Variants in NRP1 observed in about 807,000 individuals in gnomAD.
The protein encoded by NRP1 is neuropilin-1.
In NRP1, 35 loss-of-function variants were observed where a neutral mutation model predicts 106.7. The observed-to-expected ratio is 0.33, with a 90% CI of 0.25 to 0.43. The LOEUF (loss-of-function observed/expected upper bound fraction) is 0.43. NRP1 is among the 20% of genes least tolerant of loss of function. The pLI, the probability that NRP1 is intolerant of heterozygous loss-of-function variation, is 1.00. For missense variants in NRP1, 1,024 were observed against 1,170.4 expected (o/e 0.87, Z 1.83); for synonymous variants, 437 against 417.9 (o/e 1.05, Z -0.56).
intron 6 of NRP1, among the ~76,000 whole-genome samples, chr10:33,229,170 T>G (rs1839909519): frequency 6.6e-6 from 1 of 152,232 alleles, no homozygotes; most frequent in Admixed American, 6.5e-5. Context: ...ACTGATTCAT[T>G]GCTTACATAA....
intron 2 of NRP1, among the ~76,000 whole-genome samples, chr10:33,329,812 G>A (rs1589008394): frequency 6.6e-6 from 1 of 152,220 alleles, no homozygotes; most frequent in Non-Finnish European, 1.5e-5. Flanking sequence ...CAGGGGGTCT[G>A]TTGGGTGTTA....
chr10:33,243,655 G>T (rs10827219), intron 6 of NRP1, among the ~76,000 whole-genome samples: 79,867 of 151,514 alleles, frequency 0.53, 21,167 homozygotes, highest in East Asian at 0.76. Context: ...TCACCCCTTG[G>T]GGTAAACAGA....
chr10:33,298,634 G>C (rs999761934), intron 2 of NRP1, among the ~76,000 whole-genome samples: 2 of 152,250 alleles, frequency 1.3e-5, no homozygotes, highest in Middle Eastern at 6.8e-3. Context: ...CTGCATGTTG[G>C]TTTTGGCATC....
intron 2 of NRP1, among the ~76,000 whole-genome samples, chr10:33,323,982 C>T (rs531955854): frequency 2.0e-5 from 3 of 152,182 alleles, no homozygotes; most frequent in Non-Finnish European, 2.9e-5. Context: ...ATGCCATGCA[C>T]ATGTTGATTC....
chr10:33,198,286 C>A (rs185474196), intron 11 of NRP1, among the ~76,000 whole-genome samples: 1 of 151,676 alleles, frequency 6.6e-6, no homozygotes, highest in Non-Finnish European at 1.5e-5. Flanking sequence ...GGATTACAGG[C>A]GTGCACTACC....
intron 2 of NRP1, among the ~76,000 whole-genome samples, chr10:33,322,130 T>A (rs1036031468): frequency 6.6e-6 from 1 of 151,992 alleles, no homozygotes; most frequent in Non-Finnish European, 1.5e-5. Context: ...GACCAGCGCT[T>A]GGAAGGGAAT....
intron 2 of NRP1, among the ~76,000 whole-genome samples, chr10:33,308,515 C>T (rs1356121362): frequency 6.6e-6 from 1 of 151,688 alleles, no homozygotes; most frequent in East Asian, 1.9e-4. Context: ...GAGATGGAGT[C>T]TCACTCTGTC....
intron 2 of NRP1, among the ~76,000 whole-genome samples, chr10:33,283,947 T>C (rs1473208104): frequency 6.6e-6 from 1 of 152,154 alleles, no homozygotes; most frequent in Non-Finnish European, 1.5e-5. Context: ...CATCCTACCA[T>C]CTAAAGTGCT....
intron 2 of NRP1, among the ~76,000 whole-genome samples, chr10:33,319,588 CTTTTT>C (rs35886672): frequency 3.5e-5 from 4 of 115,592 alleles, no homozygotes; most frequent in African/African-American, 1.3e-4. Flanking sequence ...TTCTTTCTTT[CTTTTT>C]TTTTTTTTTT....
At chr10:33,266,372 G>A (rs570694718) in intron 3 of NRP1, among the ~76,000 whole-genome samples, 7 of 152,270 alleles carry the variant, frequency 4.6e-5, no homozygotes, top group Admixed American at 1.3e-4. Context: ...TCACTCACCC[G>A]CTGTGTAAAC....
intron 2 of NRP1, among the ~76,000 whole-genome samples, chr10:33,329,850 T>C (rs1019777135): frequency 6.6e-6 from 1 of 152,116 alleles, no homozygotes; most frequent in Admixed American, 6.5e-5. Flanking sequence ...TGTATCTGAG[T>C]GGACTGCTAC....
At chr10:33,282,311 G>A (rs1394506677) in intron 2 of NRP1, among the ~76,000 whole-genome samples, 1 of 152,042 alleles carries the variant, frequency 6.6e-6, no homozygotes, top group Non-Finnish European at 1.5e-5. Context: ...CAGTGCGTCC[G>A]GCTTACTGCA....
intron 15 of NRP1, among the ~76,000 whole-genome samples, chr10:33,184,161 C>T (rs374883274): frequency 1.4e-4 from 22 of 152,086 alleles, no homozygotes; most frequent in African/African-American, 4.8e-4. Context: ...ACTACAGCTG[C>T]GTGCCACCAC....
chr10:33,233,348 A>G (rs1033868466), intron 6 of NRP1, among the ~76,000 whole-genome samples: 15 of 152,130 alleles, frequency 9.9e-5, no homozygotes, highest in African/African-American at 3.1e-4. Context: ...CCATATGGCC[A>G]TGGTATTGTC....
At chr10:33,202,477 A>G (rs1376507920) in intron 11 of NRP1, 1 of 803,452 alleles carries the variant, frequency 1.2e-6, no homozygotes, top group East Asian at 3.1e-5. Flanking sequence ...TTGTTGGATA[A>G]AGGATCCACT....
chr10:33,254,355 A>G (rs1429242390), intron 5 of NRP1, among the ~76,000 whole-genome samples, 161 bp from the exon 6 acceptor site: 6 of 152,334 alleles, frequency 3.9e-5, no homozygotes, highest in Admixed American at 2.0e-4. Context: ...TTGGATTTTC[A>G]TGGCAATATT....
intron 3 of NRP1, among the ~76,000 whole-genome samples, chr10:33,270,070 T>G (rs1019062876): frequency 1.3e-5 from 2 of 152,156 alleles, no homozygotes; most frequent in Non-Finnish European, 2.9e-5. Context: ...ATGAAGCTGG[T>G]CCCTGATGCC....
chr10:33,198,971 G>C (rs757011805), intron 11 of NRP1, among the ~76,000 whole-genome samples: 6 of 152,140 alleles, frequency 3.9e-5, no homozygotes, highest in Non-Finnish European at 8.8e-5. Context: ...CATCTCACTG[G>C]TCAGGGGACA....
At chr10:33,294,665 C>T (rs1835201083) in intron 2 of NRP1, among the ~76,000 whole-genome samples, 1 of 151,148 alleles carries the variant, frequency 6.6e-6, no homozygotes, top group South Asian at 2.1e-4. Context: ...GCTAAGAGAG[C>T]CAAGGGGACC....
Sources: gnomAD v4.1 joint callset for allele counts (sites outside exome capture counted in the v4.1 genomes callset) on GRCh38, gnomAD v4.1.1 for gene constraint, MANE v1.5 for transcripts, NCBI Gene and HGNC (gene_info 2026-07-23, HGNC 2026-07-21) for gene names.